The following PPARA variants were observed in gnomAD, a reference collection of about 807,000 sequenced individuals.
The protein encoded by PPARA is peroxisome proliferator-activated receptor alpha.
In PPARA, 22 loss-of-function variants were observed where a neutral mutation model predicts 42.2. The observed-to-expected ratio is 0.52, with a 90% confidence interval of 0.37 to 0.74. The LOEUF (loss-of-function observed/expected upper bound fraction) is 0.74. PPARA is among the 30% of genes least tolerant of loss of function. The pLI, the probability that PPARA is intolerant of heterozygous loss-of-function variation, is 0.00. For missense variants in PPARA, 465 were observed against 608.2 expected (o/e 0.76, Z 2.48); for synonymous variants, 242 against 239.3 (o/e 1.01, Z -0.10).
chr22:46,219,980 G>C lies in PPARA; in HGVS notation c.677G>C (p.Arg226Pro). ...KNFNMNKVKARVILSGKASNN... is the reference protein window; with the variant it reads ...KNFNMNKVKAPVILSGKASNN... ...TTCAACATGAACAAGGTCAAAGCCC[G>C]GGTCATCCTCTCAGGAAAGGCCAGT... The change falls in exon 7 of 9, where the codon CGG becomes CCG. Residue 226 changes from arginine to proline, a missense_variant. This residue lies in a region of PPARA where 313 missense variants were observed against 469.1 expected (regional missense o/e 0.67). Coordinates refer to ENST00000407236, the MANE Select transcript of PPARA (RefSeq NM_005036.6). This position sits in a 1 kb window ranked among gnomAD's most constrained non-coding sequence, Gnocchi z 4.8. 1 of 1,614,140 alleles carries C rather than the reference G, an allele frequency of 6.2e-7. No homozygotes were observed. Among genetic ancestry groups the C allele is most frequent in the Non-Finnish European group, 8.5e-7 (1 of 1,180,044 alleles).
In PPARA at chr22:46,225,652, C is replaced by G. The variant is rs559428478; in HGVS notation, c.711+5638C>G. Among the ~76,000 whole-genome samples, 34 of 151,702 alleles carry G rather than the reference C, an allele frequency of 2.2e-4. No homozygotes were observed. Among genetic ancestry groups the G allele is most frequent in the African/African-American group, 8.2e-4 (34 of 41,310 alleles). ...AAACACACCCACACATACACATGCA[C>G]CCACACGTGTACACAGATGCACCTC... On this transcript the variant is annotated intron_variant, in intron 7 of 8. Coordinates refer to ENST00000407236, the MANE Select transcript of PPARA (RefSeq NM_005036.6). The surrounding 1 kb of genome is among the most constrained non-coding windows in gnomAD (Gnocchi z 4.1).
At chr22:46,175,226 G>A (rs1275607565) in intron 2 of PPARA, among the ~76,000 whole-genome samples, 2 of 152,022 alleles carry the variant, frequency 1.3e-5, no homozygotes, top group African/African-American at 4.8e-5. Context: ...TTTCCCCAAG[G>A]GTAACATCTT....
intron 7 of PPARA, 74 bp downstream of exon 7, chr22:46,220,088 T>C (rs1001653649): frequency 2.1e-5 from 32 of 1,494,784 alleles, no homozygotes; most frequent in Non-Finnish European, 3.0e-5. Context: ...TAAGGACACA[T>C]GTGTTGAATG....
chr22:46,208,638 C>G (rs574134926), intron 4 of PPARA, among the ~76,000 whole-genome samples: 1 of 151,910 alleles, frequency 6.6e-6, no homozygotes, highest in South Asian at 2.1e-4. Flanking sequence ...GGTAGTAGAT[C>G]ACTAAATCTT....
intron 4 of PPARA, among the ~76,000 whole-genome samples, chr22:46,198,835 A>G (rs562174706): frequency 7.5e-4 from 113 of 151,568 alleles, no homozygotes; most frequent in African/African-American, 2.7e-3. Flanking sequence ...TAATTTTTGT[A>G]TTTTTAATAG....
intron 7 of PPARA, among the ~76,000 whole-genome samples, chr22:46,226,561 G>A (rs558264694): frequency 6.6e-6 from 1 of 152,150 alleles, no homozygotes; most frequent in Admixed American, 6.5e-5. Flanking sequence ...CTTCAGTTAT[G>A]GAAGATTTTA....
chr22:46,168,376 A>AAAAAG (rs1927435505), intron 2 of PPARA, among the ~76,000 whole-genome samples: 1 of 148,070 alleles, frequency 6.8e-6, no homozygotes, highest in East Asian at 1.9e-4. Flanking sequence ...AAAAAAAAAA[A>AAAAAG]AAGAAGAAAG....
At position 46,183,073 on chromosome 22, in the gene PPARA, G is replaced by T. The variant is rs565128582; in HGVS notation, c.-43+6237G>T. On this transcript the variant is annotated intron_variant, in intron 3 of 8. Transcript: ENST00000407236. This position sits in a 1 kb window ranked among gnomAD's most constrained non-coding sequence, Gnocchi z 5.5. Reference sequence around the variant, plus strand: ...AAAGCTGTCTTTTAAATGAAAAAAAGTTGTCTTGAAATAAGCATTAGAACT... The same window carrying T: ...AAAGCTGTCTTTTAAATGAAAAAAATTTGTCTTGAAATAAGCATTAGAACT... 1.4e-4 allele frequency among the ~76,000 whole-genome samples: 22 copies of T among 152,294 alleles called. No individual in the cohort carries two copies. The highest frequency in any genetic ancestry group is 8.5e-4 in the Admixed American group (13 of 15,282).
chr22:46,153,954 C>T (rs948099959), intron 2 of PPARA, among the ~76,000 whole-genome samples: 7 of 152,194 alleles, frequency 4.6e-5, no homozygotes, highest in African/African-American at 7.2e-5. Flanking sequence ...CTTGCTTTAT[C>T]GAGTAGGTTA....
At chr22:46,168,351 CAAAA>C (rs35345592) in intron 2 of PPARA, among the ~76,000 whole-genome samples, 53 of 14,366 alleles carry the variant, frequency 3.7e-3, no homozygotes, top group African/African-American at 0.011. Context: ...GACTCCATCT[CAAAA>C]AAAAAAAAAA....
intron 7 of PPARA, among the ~76,000 whole-genome samples, chr22:46,223,641 TCA>T (rs1935171069): frequency 1.1e-5 from 1 of 93,080 alleles, no homozygotes. Flanking sequence ...AGACTCCATC[TCA>T]AAAAAAAAAA....
rs1375396370 is a variant in PPARA, at chr22:46,200,669, A to G, written c.208+2078A>G. Among the ~76,000 whole-genome samples, 1 of 152,238 alleles carries G rather than the reference A, an allele frequency of 6.6e-6. No homozygotes were observed. The highest frequency in any genetic ancestry group is 6.5e-5 in the Admixed American group (1 of 15,280). On this transcript the variant is annotated intron_variant, in intron 4 of 8. Transcript: ENST00000407236. The surrounding 1 kb of genome is among the most constrained non-coding windows in gnomAD (Gnocchi z 4.8). ...AGTGGCTCACGCCTGTAATCCCAACACTTTGGGAGGCTGAGGCAGGCGGAT... is the reference window on the plus strand; with the variant it reads ...AGTGGCTCACGCCTGTAATCCCAACGCTTTGGGAGGCTGAGGCAGGCGGAT...
intron 3 of PPARA, among the ~76,000 whole-genome samples, chr22:46,186,829 C>A (rs1043136697): frequency 3.9e-5 from 6 of 152,060 alleles, no homozygotes; most frequent in African/African-American, 9.7e-5. Context: ...TACCTGAAGC[C>A]TCAGATAGTA....
At chr22:46,152,041 C>T (rs568128964) in intron 2 of PPARA, 71 bp downstream of exon 2, 1 of 152,000 alleles carries the variant, frequency 6.6e-6, no homozygotes, top group Non-Finnish European at 1.5e-5. Context: ...ACTTCTGTTG[C>T]ACTACAGACC....
Position 46,196,484 on chromosome 22 carries a change from C to CA in PPARA, c.-42-1856dup, listed in dbSNP as rs894223389. On this transcript the variant is annotated intron_variant, in intron 3 of 8. Transcript: ENST00000407236. The surrounding 1 kb of genome is among the most constrained non-coding windows in gnomAD (Gnocchi z 5.6). ...CTGGCTGCCTGTTCCTGGAATGTGCCAACATGTTTCAGTCCTGGAGCCTTT... is the reference window on the plus strand; with the variant it reads ...CTGGCTGCCTGTTCCTGGAATGTGCCAAACATGTTTCAGTCCTGGAGCCTTT... Among the ~76,000 whole-genome samples, 4 of 152,236 alleles carry CA rather than the reference C, an allele frequency of 2.6e-5. No individual in the cohort carries two copies. Among genetic ancestry groups the CA allele is most frequent in the African/African-American group, 9.6e-5 (4 of 41,466 alleles).
chr22:46,238,456 C>T lies in PPARA; in HGVS notation c.*3076C>T, dbSNP rs1331267812. On this transcript the variant is annotated 3_prime_UTR_variant, in exon 9 of 9. Coordinates refer to ENST00000407236, the MANE Select transcript of PPARA (RefSeq NM_005036.6). This position sits in a 1 kb window ranked among gnomAD's most constrained non-coding sequence, Gnocchi z 8.3. ...ATGTCAGGACAGATTCCAGGAGTGT[C>T]GGAGCACATGTGTGGCACCCGCTCC... is the stretch of plus-strand genomic sequence containing the variant. 1 of 152,208 alleles carries T rather than the reference C, an allele frequency of 6.6e-6. No homozygotes were observed. Among genetic ancestry groups the T allele is most frequent in the Non-Finnish European group, 1.5e-5 (1 of 68,032 alleles). 9.4% of individuals were successfully genotyped at this position (152,208 alleles called of 1,614,324 possible). A position where few individuals can be genotyped will look rare whatever the true frequency, so the allele number is the denominator to read the frequency against.
In PPARA at chr22:46,225,943, AC is replaced by A. The variant is rs1935404160; in HGVS notation, c.712-5846del. Among the ~76,000 whole-genome samples the A allele has an allele frequency of 6.6e-6, 1 of 151,886 alleles. No individual in the cohort carries two copies. Among genetic ancestry groups the A allele is most frequent in the Non-Finnish European group, 1.5e-5 (1 of 67,954 alleles). ...CACACATGCATGCTCACACACATGC[AC>A]CCAGGCACACACAAATCCACATTCA... is the stretch of plus-strand genomic sequence containing the variant. On this transcript the variant is annotated intron_variant, in intron 7 of 8. Transcript: ENST00000407236. This position sits in a 1 kb window ranked among gnomAD's most constrained non-coding sequence, Gnocchi z 4.1.
intron 2 of PPARA, among the ~76,000 whole-genome samples, chr22:46,174,411 C>A (rs535457952): frequency 2.1e-4 from 32 of 151,998 alleles, no homozygotes; most frequent in South Asian, 1.7e-3. Context: ...AAAAGGCAAG[C>A]AAATAAATAA....
rs1936325017 is a variant in PPARA at position 46,239,804 on chromosome 22, T to C, written c.*4424T>C. 5.5e-6 allele frequency: 1 copy of C among 180,678 alleles called. No homozygotes were observed. Among genetic ancestry groups the C allele is most frequent in the Non-Finnish European group, 1.1e-5 (1 of 87,456 alleles). 11.2% of individuals were successfully genotyped at this position (180,678 alleles called of 1,614,324 possible). On this transcript the variant is annotated 3_prime_UTR_variant, in exon 9 of 9. Transcript: ENST00000407236. The stretch of plus-strand genomic sequence containing the variant: ...GCGACTTCCTAAGGTCTGTCTCCTC[T>C]GAACTTGCACCTGGGCCTCTCTGTG...
Sources: allele counts gnomAD v4.1 joint callset (sites outside exome capture counted in the v4.1 genomes callset), GRCh38; gene constraint gnomAD v4.1.1; regional missense constraint gnomAD v4.1.1; non-coding constraint Gnocchi (gnomAD v3.1); transcripts MANE v1.5; gene names NCBI Gene and HGNC (gene_info 2026-07-23, HGNC 2026-07-21).